The following USP13 variants were observed in gnomAD, a reference collection of about 807,000 sequenced individuals.
USP13 encodes the protein ubiquitin specific peptidase 13.
USP13 carries 68 observed loss-of-function variants against 107.8 expected under a neutral mutation model. That is an observed-to-expected ratio of 0.63 (90% CI 0.52 to 0.77). The LOEUF is 0.77. Ranked by LOEUF, USP13 falls within the 30% of genes least tolerant of loss-of-function variation. USP13 has a pLI of 0.00. For missense variants in USP13, 945 were observed against 1,093.3 expected (o/e 0.86, Z 1.91); for synonymous variants, 377 against 389.5 (o/e 0.97, Z 0.38).
At chr3:179,781,927 A>G (rs909220042) in intron 20 of USP13, 104 bp downstream of exon 20, 10 of 1,059,442 alleles carry the variant, frequency 9.4e-6, no homozygotes, top group East Asian at 2.5e-5. Flanking sequence ...TTTGGTTCTC[A>G]CATTGGTCTT....
intron 6 of USP13, among the ~76,000 whole-genome samples, chr3:179,710,006 G>C (rs949971417): frequency 6.6e-6 from 1 of 152,024 alleles, no homozygotes; most frequent in Non-Finnish European, 1.5e-5. Flanking sequence ...ATACATAACT[G>C]AGGACTGGCA....
intron 19 of USP13, among the ~76,000 whole-genome samples, chr3:179,775,616 T>C (rs921738304): frequency 6.6e-6 from 1 of 152,032 alleles, no homozygotes; most frequent in Non-Finnish European, 1.5e-5. Flanking sequence ...CCCACCACGG[T>C]GGGGGCTCAG....
chr3:179,653,299 G>C lies in USP13; in HGVS notation c.74G>C (p.Gly25Ala). 1.3e-6 allele frequency: 2 copies of C among 1,574,870 alleles called. No homozygotes were observed. Among genetic ancestry groups the C allele is most frequent in the East Asian group, 2.3e-5 (1 of 42,820 alleles). ...AGGAAGATGGCTGCAGGAGACATCG[G>C]CGAGCTGCTAGTGCCCCACATGCCC... ...GGRKMAAGDI[G>A]ELLVPHMPTI... Residue 25 changes from glycine to alanine, a missense_variant, in exon 1 of 21, where the codon GGC (glycine) becomes GCC (alanine). Physicochemically the swap from Gly to Ala is moderately conservative, Grantham distance 60. Coordinates refer to ENST00000263966, the MANE Select transcript of USP13 (RefSeq NM_003940.3). The surrounding 1 kb of genome is among the most constrained non-coding windows in gnomAD (Gnocchi z 4.0).
At chr3:179,719,884 G>T in intron 6 of USP13, 56 bp from the exon 7 acceptor site, 2 of 1,476,220 alleles carry the variant, frequency 1.4e-6, no homozygotes, top group Non-Finnish European at 1.9e-6. Context: ...AATATGTGTT[G>T]GATATTCAGT....
intron 16 of USP13, 47 bp from the exon 17 acceptor site, chr3:179,761,065 G>A: frequency 1.9e-6 from 3 of 1,611,042 alleles, no homozygotes; most frequent in Non-Finnish European, 2.5e-6. Flanking sequence ...AAGACAAGAA[G>A]CGACAGTTTC....
At chr3:179,738,555 A>G (rs1714072622) in intron 10 of USP13, among the ~76,000 whole-genome samples, 1 of 152,218 alleles carries the variant, frequency 6.6e-6, no homozygotes, top group African/African-American at 2.4e-5. Flanking sequence ...TACTACAAGT[A>G]TTAACGAGAC....
intron 8 of USP13, among the ~76,000 whole-genome samples, chr3:179,728,730 G>C (rs1487639493): frequency 2.0e-5 from 3 of 152,178 alleles, no homozygotes; most frequent in Non-Finnish European, 4.4e-5. Context: ...CTGCAATCCC[G>C]GCACCTCGGG....
intron 1 of USP13, among the ~76,000 whole-genome samples, chr3:179,658,391 G>A (rs892088797): frequency 9.2e-5 from 14 of 152,292 alleles, no homozygotes; most frequent in Admixed American, 3.3e-4. Context: ...ATGCCGCACA[G>A]CGGTTCTAGT....
chr3:179,710,097 A>G (rs1712868487), intron 6 of USP13, among the ~76,000 whole-genome samples: 1 of 152,208 alleles, frequency 6.6e-6, no homozygotes, highest in African/African-American at 2.4e-5. Context: ...ATTTTAACTC[A>G]TTAAAGACAA....
intron 15 of USP13, among the ~76,000 whole-genome samples, chr3:179,755,357 C>T (rs557563598): frequency 5.3e-5 from 8 of 152,094 alleles, no homozygotes; most frequent in African/African-American, 1.2e-4. Flanking sequence ...TGCAGTGGCA[C>T]GATCTCGGCT....
chr3:179,730,342 A>G, intron 9 of USP13, 82 bp downstream of exon 9: 3 of 1,326,674 alleles, frequency 2.3e-6, no homozygotes, highest in Non-Finnish European at 3.2e-6. Context: ...GGGTTGCAAA[A>G]TTAAAGGCAA....
intron 19 of USP13, among the ~76,000 whole-genome samples, chr3:179,777,233 A>T (rs1271156328): frequency 6.6e-6 from 1 of 152,030 alleles, no homozygotes; most frequent in Non-Finnish European, 1.5e-5. Context: ...ATGTTTGGAT[A>T]TAGTGGGATG....
At position 179,784,360 on chromosome 3, in the gene USP13, A is replaced by T; in HGVS notation, c.*219A>T. Reference sequence around the variant, plus strand: ...TATTATATTGTAGATAGTTTTTATAAATGTTCAAAAAGATGATGATATTTA... The same window carrying T: ...TATTATATTGTAGATAGTTTTTATATATGTTCAAAAAGATGATGATATTTA... On this transcript the variant is annotated 3_prime_UTR_variant, in exon 21 of 21. Transcript: ENST00000263966. The T allele has an allele frequency of 2.5e-6, 1 of 407,834 alleles. No homozygotes were observed. The highest frequency in any genetic ancestry group is 4.3e-6 in the Non-Finnish European group (1 of 230,282). The allele number at this position is 407,834 out of a possible 1,614,324, so 25.3% of individuals were successfully genotyped here.
intron 1 of USP13, among the ~76,000 whole-genome samples, chr3:179,661,919 A>T (rs1720468337): frequency 6.6e-6 from 1 of 152,202 alleles, no homozygotes. Context: ...GCAGCATCTG[A>T]GTGTCCTTCT....
rs776041755 is a variant in USP13, at chr3:179,742,237, G to A, written c.1421G>A (p.Arg474His). 30 of 1,614,078 alleles carry A rather than the reference G, an allele frequency of 1.9e-5. No homozygotes were observed. The highest frequency in any genetic ancestry group is 3.3e-5 in the Admixed American group (2 of 59,994). Residue 474 changes from arginine (R) to histidine (H), a missense_variant, in exon 12 of 21, where the codon CGT becomes CAT. Transcript: ENST00000263966. This position sits in a 1 kb window ranked among gnomAD's most constrained non-coding sequence, Gnocchi z 5.0. Reference protein sequence around the residue: ...IGSENPSDVFRFLVEERIQCC... With the variant: ...IGSENPSDVFHFLVEERIQCC... ...TCAGAAAACCCAAGCGATGTTTTTC[G>A]TTTTTTGGTGGAAGAACGCATTCAG...
rs1720145214 is a variant in USP13, at chr3:179,653,387, C to T, written c.162C>T (p.Asp54=). The stretch of plus-strand genomic sequence containing the variant: ...AGAACGAGTGCGCCTTCTCCTACGA[C>T]TCTCCCGTAAGTGAGGCGCCTCGGG... ...VYKNECAFSY[D]SPNSEGGLYV... The change falls in exon 1 of 21, where the codon GAC becomes GAT. Residue 54 remains aspartate (D), a synonymous_variant. Transcript: ENST00000263966. This position sits in a 1 kb window ranked among gnomAD's most constrained non-coding sequence, Gnocchi z 4.0. 1 of 1,560,218 alleles carries T rather than the reference C, an allele frequency of 6.4e-7. No individual in the cohort carries two copies. Among genetic ancestry groups the T allele is most frequent in the Non-Finnish European group, 8.7e-7 (1 of 1,152,194 alleles).
intron 3 of USP13, among the ~76,000 whole-genome samples, chr3:179,694,928 G>C (rs1487922435): frequency 3.3e-5 from 5 of 151,928 alleles, no homozygotes; most frequent in African/African-American, 1.2e-4. Flanking sequence ...ATCAGTTTAC[G>C]CCTCTCTGGC....
At chr3:179,716,586 C>G (rs1713121308) in intron 6 of USP13, among the ~76,000 whole-genome samples, 1 of 152,178 alleles carries the variant, frequency 6.6e-6, no homozygotes, top group Non-Finnish European at 1.5e-5. Context: ...GCATGCTAGA[C>G]TTAACAGCAT....
At chr3:179,715,553 C>T (rs1031225209) in intron 6 of USP13, among the ~76,000 whole-genome samples, 4 of 151,594 alleles carry the variant, frequency 2.6e-5, no homozygotes, top group Non-Finnish European at 5.9e-5. Context: ...TTAGTAGAGA[C>T]GGGGTTTCAC....
Sources: gnomAD v4.1 joint callset for allele counts (sites outside exome capture counted in the v4.1 genomes callset) on GRCh38, gnomAD v4.1.1 for gene constraint, Gnocchi (gnomAD v3.1) non-coding constraint, MANE v1.5 for transcripts, NCBI Gene and HGNC (gene_info 2026-07-23, HGNC 2026-07-21) for gene names.